The following ARID1B variants were observed in gnomAD, a reference collection of about 807,000 sequenced individuals.
The protein encoded by ARID1B is AT-rich interaction domain 1B.
ARID1B carries 30 observed loss-of-function variants against 212.3 expected under a neutral mutation model. The observed-to-expected ratio is 0.14, with a 90% confidence interval of 0.11 to 0.19. The LOEUF (loss-of-function observed/expected upper bound fraction) is 0.19. Ranked by LOEUF, ARID1B falls within the 10% of genes least tolerant of loss-of-function variation. The probability of loss-of-function intolerance (pLI) is 1.00; values close to 1 mark genes in which losing one functional copy is unlikely to be tolerated. For missense variants in ARID1B, 2,891 were observed against 3,204.0 expected (o/e 0.90, Z 2.36); for synonymous variants, 1,402 against 1,301.7 (o/e 1.08, Z -1.66).
At chr6:157,194,210 A>G (rs1793570663) in intron 15 of ARID1B, 1 of 152,098 alleles carries the variant, frequency 6.6e-6, no homozygotes, top group Admixed American at 6.5e-5. Flanking sequence ...TTCCTTGTGT[A>G]TTAGAGAAAA....
At chr6:157,074,210 T>C (rs1369121720) in intron 4 of ARID1B, among the ~76,000 whole-genome samples, 1 of 152,090 alleles carries the variant, frequency 6.6e-6, no homozygotes, top group African/African-American at 2.4e-5. Context: ...GATTTTCAGA[T>C]TGTTTTTTGT....
rs574723935 is a variant in ARID1B at position 156,825,656 on chromosome 6, A to G, written c.1792-3571A>G. ...ATTAAGGCAGTTTTGGTCGTGCACT[A>G]TTTGAAGTGAAATAAGTAGACGTTT... On this transcript the variant is annotated intron_variant, in intron 1 of 19. Coordinates refer to ENST00000636930, the MANE Select transcript of ARID1B (RefSeq NM_001374828.1). Among the ~76,000 whole-genome samples, 20 of 152,344 alleles carry G rather than the reference A, an allele frequency of 1.3e-4. No individual in the cohort carries two copies. In the South Asian group the frequency reaches 4.1e-3, roughly 32 times the overall value.
At position 157,181,103 on chromosome 6, in the gene ARID1B, G is replaced by T. The variant is rs781777822; in HGVS notation, c.3639G>T (p.Leu1213=). Residue 1213 remains leucine, a synonymous_variant, in exon 12 of 20, where the codon CTG becomes CTT. Transcript: ENST00000636930. The part of the protein sequence containing the change: ...MEERGSPVSS[L]PAVGKKPLDL... ...AGAGAGGCTCTCCTGTCTCAAGTCT[G>T]CCTGCCGTGGGCAAGAAGCCCCTGG... 1.9e-6 allele frequency: 3 copies of T among 1,614,074 alleles called. No homozygotes were observed. In the East Asian group the frequency reaches 6.7e-5, roughly 36 times the overall value.
intron 4 of ARID1B, among the ~76,000 whole-genome samples, chr6:157,012,677 TAGAC>T (rs1779685726): frequency 6.6e-6 from 1 of 152,232 alleles, no homozygotes; most frequent in Admixed American, 6.5e-5. Flanking sequence ...TACGTGACCT[TAGAC>T]AGTCATTTAT....
At chr6:157,174,466 C>T (rs542310476) in intron 10 of ARID1B, 19 of 198,926 alleles carry the variant, frequency 9.6e-5, no homozygotes, top group Middle Eastern at 1.7e-3. Flanking sequence ...CTGTTTTGGC[C>T]GCCTCAGCAA....
chr6:157,000,189 C>T (rs764787065), intron 4 of ARID1B, among the ~76,000 whole-genome samples: 77 of 152,230 alleles, frequency 5.1e-4, no homozygotes, highest in Middle Eastern at 3.4e-3. Context: ...GAGATGCGTC[C>T]TGGGAGGCTG....
At chr6:157,122,907 C>G (rs1216304154) in intron 6 of ARID1B, among the ~76,000 whole-genome samples, 1 of 152,092 alleles carries the variant, frequency 6.6e-6, no homozygotes, top group Non-Finnish European at 1.5e-5. Flanking sequence ...GTCTTGAACT[C>G]CTGACCTCAG....
At chr6:157,004,729 G>A (rs900003429) in intron 4 of ARID1B, among the ~76,000 whole-genome samples, 1 of 151,982 alleles carries the variant, frequency 6.6e-6, no homozygotes, top group Non-Finnish European at 1.5e-5. Flanking sequence ...TTTTATTGCC[G>A]GTGTTAGGGG....
intron 3 of ARID1B, among the ~76,000 whole-genome samples, chr6:156,917,632 G>A (rs953890426): frequency 6.6e-6 from 1 of 152,256 alleles, no homozygotes; most frequent in Non-Finnish European, 1.5e-5. Context: ...GAGAGATACT[G>A]AAGTAGACAA....
At chr6:156,854,478 T>A (rs1245953369) in intron 2 of ARID1B, among the ~76,000 whole-genome samples, 1 of 152,218 alleles carries the variant, frequency 6.6e-6, no homozygotes, top group Non-Finnish European at 1.5e-5. Flanking sequence ...CACGGAAGAT[T>A]CAGGTGTCTG....
intron 4 of ARID1B, among the ~76,000 whole-genome samples, chr6:157,054,138 C>T (rs1014467974): frequency 2.6e-5 from 4 of 151,138 alleles, no homozygotes; most frequent in Non-Finnish European, 4.4e-5. Flanking sequence ...GCAGAAGAAT[C>T]GCTTGAACCC....
In ARID1B at chr6:157,181,127, G is replaced by A. The variant is rs376995038; in HGVS notation, c.3663G>A (p.Leu1221=). The A allele has an allele frequency of 4.2e-5, 68 of 1,614,076 alleles. No homozygotes were observed. The highest frequency in any genetic ancestry group is 1.2e-4 in the Admixed American group (7 of 60,004). Residue 1221 remains leucine, a synonymous_variant, in exon 12 of 20, where the codon CTG becomes CTA. Coordinates refer to ENST00000636930, the MANE Select transcript of ARID1B (RefSeq NM_001374828.1). ...TGCCTGCCGTGGGCAAGAAGCCCCT[G>A]GACCTGTTCCGACTCTACGTCTGCG... ...SSLPAVGKKP[L]DLFRLYVCVK...
intron 8 of ARID1B, among the ~76,000 whole-genome samples, chr6:157,161,427 GTGTGTA>G (rs1562313856): frequency 3.1e-5 from 4 of 130,022 alleles, no homozygotes; most frequent in Non-Finnish European, 3.2e-5. Flanking sequence ...TTGATTGTGT[GTGTGTA>G]TATATATATA....
intron 9 of ARID1B, among the ~76,000 whole-genome samples, chr6:157,171,879 G>A (rs1008750190): frequency 3.9e-5 from 6 of 152,130 alleles, no homozygotes; most frequent in African/African-American, 9.7e-5. Flanking sequence ...GTTTGTGTAC[G>A]CTAGCACATT....
intron 4 of ARID1B, among the ~76,000 whole-genome samples, chr6:157,032,309 C>CT (rs1781066628): frequency 6.6e-6 from 1 of 152,170 alleles, no homozygotes; most frequent in East Asian, 1.9e-4. Context: ...TATTAATGCT[C>CT]TATCATGTGA....
rs544173912 is a variant in ARID1B at position 156,974,276 on chromosome 6, C to A, written c.2247+38700C>A. The stretch of plus-strand genomic sequence containing the variant: ...ATTTTGGGAGCTTTATCTTTATAAA[C>A]CTTGTAATAACAAAACCACGTGAGT... On this transcript the variant is annotated intron_variant, in intron 4 of 19. Coordinates refer to ENST00000636930, the MANE Select transcript of ARID1B (RefSeq NM_001374828.1). Among the ~76,000 whole-genome samples, 50 of 152,240 alleles carry A rather than the reference C, an allele frequency of 3.3e-4. 1 individual carries two copies. In the South Asian group the frequency reaches 0.01, roughly 32 times the overall value.
intron 5 of ARID1B, among the ~76,000 whole-genome samples, chr6:157,110,246 C>T (rs1477325147): frequency 1.3e-5 from 2 of 152,126 alleles, no homozygotes; most frequent in African/African-American, 2.4e-5. Flanking sequence ...GGAACTCATT[C>T]AGTAACAACT....
At chr6:157,010,619 C>T (rs1171174614) in intron 4 of ARID1B, among the ~76,000 whole-genome samples, 2 of 142,480 alleles carry the variant, frequency 1.4e-5, no homozygotes, top group Non-Finnish European at 3.0e-5. Flanking sequence ...CATGCCCGGC[C>T]TGTTTTTTTT....
intron 7 of ARID1B, among the ~76,000 whole-genome samples, chr6:157,146,937 T>C (rs1352626574): frequency 1.3e-5 from 2 of 152,172 alleles, no homozygotes; most frequent in African/African-American, 4.8e-5. Flanking sequence ...GCCAGTTTGC[T>C]TGAGCTTCAG....
Sources: gnomAD v4.1 joint callset for allele counts (sites outside exome capture counted in the v4.1 genomes callset) on GRCh38, gnomAD v4.1.1 for gene constraint, MANE v1.5 for transcripts, NCBI Gene and HGNC (gene_info 2026-07-23, HGNC 2026-07-21) for gene names.